The following KAZN variants were observed in gnomAD, a reference collection of about 807,000 sequenced individuals.
KAZN encodes the protein kazrin.
KAZN carries 40 observed loss-of-function variants against 87.4 expected under a neutral mutation model. The observed-to-expected ratio is 0.46, with a 90% CI of 0.36 to 0.60. The LOEUF (loss-of-function observed/expected upper bound fraction) is 0.60, where lower values mean the gene tolerates loss of function less well. Among genes scored for constraint, KAZN ranks in the 20% least tolerant of loss-of-function variants. The pLI is 0.00. For missense variants in KAZN, 898 were observed against 1,073.9 expected (o/e 0.84, Z 2.29); for synonymous variants, 466 against 458.3 (o/e 1.02, Z -0.22).
chr1:14,747,689 G>A (rs2100470274), intron 1 of KAZN, among the ~76,000 whole-genome samples: 1 of 152,340 alleles, frequency 6.6e-6, no homozygotes, highest in South Asian at 2.1e-4. Context: ...GTATCAGTTT[G>A]AGTCCCTGTT....
At position 15,089,732 on chromosome 1, in the gene KAZN, CAAAA is replaced by C. The variant is rs56260619; in HGVS notation, c.1223-4421_1223-4418del. Among the ~76,000 whole-genome samples, 198 of 68,910 alleles carry C rather than the reference CAAAA, an allele frequency of 2.9e-3. 1 individual carries two copies. The highest frequency in any genetic ancestry group is 9.1e-3 in the African/African-American group (185 of 20,428). The allele number at this position is 68,910 out of a possible 152,430, so 45.2% of individuals were successfully genotyped here. A position where few individuals can be genotyped will look rare whatever the true frequency, so the allele number is the denominator to read the frequency against. On this transcript the variant is annotated intron_variant, in intron 8 of 14. Transcript: ENST00000376030. The stretch of plus-strand genomic sequence containing the variant: ...GACAGCAAAGGGAAGCTTTTATTGG[CAAAA>C]AAAAAAAAAAAAAAAAAAAAAAAAA...
intron 8 of KAZN, among the ~76,000 whole-genome samples, chr1:15,085,992 A>G (rs1640233191): frequency 6.7e-6 from 1 of 148,580 alleles, no homozygotes; most frequent in South Asian, 2.1e-4. Flanking sequence ...TTTTTTTGAG[A>G]CAGAGTTTTG....
intron 1 of KAZN, among the ~76,000 whole-genome samples, chr1:14,020,668 C>T (rs1254318073): frequency 6.6e-6 from 1 of 152,228 alleles, no homozygotes; most frequent in Non-Finnish European, 1.5e-5. Flanking sequence ...CAAGATAATT[C>T]ACCTTGCTGT....
At chr1:14,439,712 G>A (rs140488227) in intron 2 of KAZN, among the ~76,000 whole-genome samples, 16 of 152,288 alleles carry the variant, frequency 1.1e-4, no homozygotes, top group Middle Eastern at 3.4e-3. Flanking sequence ...GGCAGTGGCC[G>A]CCATATTGGA....
At chr1:13,910,972 A>G (rs12737699) in intron 1 of KAZN, among the ~76,000 whole-genome samples, 30,619 of 151,970 alleles carry the variant, frequency 0.2, 3,429 homozygotes, top group Non-Finnish European at 0.26. Flanking sequence ...ATGATGGAAG[A>G]CAAAGGGGAA....
chr1:14,647,801 C>T (rs1359123958), intron 1 of KAZN, among the ~76,000 whole-genome samples: 1 of 152,158 alleles, frequency 6.6e-6, no homozygotes. Flanking sequence ...TTCTGGGGTT[C>T]ACCAATTTGT....
chr1:14,501,624 A>T (rs1313519795), intron 2 of KAZN, among the ~76,000 whole-genome samples: 1 of 152,216 alleles, frequency 6.6e-6, no homozygotes, highest in Non-Finnish European at 1.5e-5. Context: ...ACTACAAAAC[A>T]TGTTGATGGA....
intron 1 of KAZN, among the ~76,000 whole-genome samples, chr1:13,981,648 A>G (rs990260304): frequency 1.3e-5 from 2 of 152,252 alleles, no homozygotes; most frequent in Non-Finnish European, 2.9e-5. Flanking sequence ...GGTAAGAGGC[A>G]GAGTGAACTT....
At chr1:14,816,456 T>G (rs995816940) in intron 1 of KAZN, among the ~76,000 whole-genome samples, 2 of 152,180 alleles carry the variant, frequency 1.3e-5, no homozygotes, top group African/African-American at 4.8e-5. Flanking sequence ...TTTTGTTGAC[T>G]GTCACCCAGA....
At chr1:15,050,064 G>A (rs142422386) in intron 4 of KAZN, among the ~76,000 whole-genome samples, 5,523 of 78,594 alleles carry the variant, frequency 0.07, 157 homozygotes, top group African/African-American at 0.18. Context: ...GGTAGGGTAG[G>A]GTAGAGTAGA....
intron 2 of KAZN, among the ~76,000 whole-genome samples, chr1:14,211,216 T>G (rs1456396706): frequency 1.3e-5 from 2 of 152,096 alleles, no homozygotes; most frequent in Non-Finnish European, 2.9e-5. Flanking sequence ...CTCTATTTGT[T>G]TATTTATTTT....
At chr1:14,720,424 G>T (rs576180779) in intron 1 of KAZN, among the ~76,000 whole-genome samples, 1 of 151,914 alleles carries the variant, frequency 6.6e-6, no homozygotes, top group African/African-American at 2.4e-5. Flanking sequence ...TGTGTTTTTC[G>T]TTCTTGCCCC....
chr1:14,825,986 G>A (rs1402576852), intron 1 of KAZN, among the ~76,000 whole-genome samples: 1 of 152,210 alleles, frequency 6.6e-6, no homozygotes, highest in East Asian at 1.9e-4. Flanking sequence ...GTGGACAGCT[G>A]GCTGAATGGT....
intron 1 of KAZN, among the ~76,000 whole-genome samples, chr1:14,153,407 C>T (rs574683968): frequency 3.9e-5 from 6 of 152,142 alleles, no homozygotes; most frequent in East Asian, 1.9e-4. Context: ...TTCATTCTTT[C>T]GCATTTGGAT....
At chr1:14,443,640 G>T (rs759166172) in intron 2 of KAZN, among the ~76,000 whole-genome samples, 1 of 152,204 alleles carries the variant, frequency 6.6e-6, no homozygotes, top group Non-Finnish European at 1.5e-5. Flanking sequence ...GTCATTAATG[G>T]AGGAGAGCAT....
chr1:14,226,422 AC>A (rs1557575489), intron 2 of KAZN, among the ~76,000 whole-genome samples: 1 of 152,140 alleles, frequency 6.6e-6, no homozygotes, highest in African/African-American at 2.4e-5. Context: ...AAAACAAAAA[AC>A]AAAAAAACAG....
chr1:14,371,837 G>A (rs1312595973), intron 2 of KAZN, among the ~76,000 whole-genome samples: 2 of 152,170 alleles, frequency 1.3e-5, no homozygotes, highest in African/African-American at 2.4e-5. Context: ...GGCAAGGCAG[G>A]GATGCACTCC....
intron 2 of KAZN, among the ~76,000 whole-genome samples, chr1:14,989,777 C>T (rs947859771): frequency 2.0e-5 from 3 of 152,174 alleles, no homozygotes; most frequent in African/African-American, 7.2e-5. Flanking sequence ...GCTGACCATC[C>T]ACCTCCTCCC....
At chr1:14,865,207 T>C (rs1056073151) in intron 1 of KAZN, among the ~76,000 whole-genome samples, 3 of 152,164 alleles carry the variant, frequency 2.0e-5, no homozygotes, top group Admixed American at 2.0e-4. Flanking sequence ...ACTTCCCATC[T>C]GGAGGCACCA....
Sources: gnomAD v4.1 joint callset for allele counts (sites outside exome capture counted in the v4.1 genomes callset) on GRCh38, gnomAD v4.1.1 for gene constraint, MANE v1.5 for transcripts, NCBI Gene and HGNC (gene_info 2026-07-23, HGNC 2026-07-21) for gene names.